Variants in LRRC28 observed in about 807,000 individuals in gnomAD.
LRRC28 encodes leucine rich repeat containing 28, also known as leucine-rich repeat-containing protein 28.
In LRRC28, 39 loss-of-function variants were observed where a neutral mutation model predicts 45.7. The observed-to-expected ratio is 0.85, with a 90% CI of 0.66 to 1.12. The LOEUF (loss-of-function observed/expected upper bound fraction) is 1.12. Ranked by LOEUF, LRRC28 falls within the 50% of genes most tolerant of loss-of-function variation. The pLI is 0.00. For synonymous variants in LRRC28, 206 were observed against 178.8 expected (o/e 1.15, Z -1.22); for missense variants, 435 against 438.5 (o/e 0.99, Z 0.07).
intron 5 of LRRC28, among the ~76,000 whole-genome samples, chr15:99,308,260 A>C (rs1339554290): frequency 1.3e-5 from 2 of 152,216 alleles, no homozygotes; most frequent in Non-Finnish European, 2.9e-5. Flanking sequence ...GAATCGAGAC[A>C]ATGCTAGGTC....
intron 3 of LRRC28, among the ~76,000 whole-genome samples, chr15:99,278,083 A>G (rs2081668056): frequency 6.6e-6 from 1 of 152,108 alleles, no homozygotes. Context: ...TTCTCTATAG[A>G]GTTTTCCAGG....
At chr15:99,345,264 A>G (rs563715730) in intron 6 of LRRC28, among the ~76,000 whole-genome samples, 15 of 152,108 alleles carry the variant, frequency 9.9e-5, no homozygotes, top group Admixed American at 7.2e-4. Context: ...GCATATACCC[A>G]GGTAAAGAGT....
At chr15:99,259,941 A>G (rs1329298213) in intron 2 of LRRC28, 4 of 676,308 alleles carry the variant, frequency 5.9e-6, no homozygotes, top group Non-Finnish European at 8.2e-6. Context: ...CAAGACAAAG[A>G]CAAAGAAATG....
intron 5 of LRRC28, chr15:99,333,722 A>G: frequency 1.6e-6 from 1 of 610,834 alleles, no homozygotes; most frequent in Non-Finnish European, 2.9e-6. Flanking sequence ...CATTTAAGAA[A>G]TGTTGGCAGG....
intron 9 of LRRC28, among the ~76,000 whole-genome samples, chr15:99,369,939 T>C (rs186470698): frequency 1.4e-3 from 207 of 152,326 alleles, no homozygotes; most frequent in Non-Finnish European, 2.2e-3. Flanking sequence ...TAATAAGCCA[T>C]GGCGTGCAAT....
At chr15:99,263,176 G>C (rs747443567) in intron 2 of LRRC28, among the ~76,000 whole-genome samples, 29 of 150,212 alleles carry the variant, frequency 1.9e-4, no homozygotes, top group Non-Finnish European at 2.5e-4. Context: ...AAAATAGCTG[G>C]TTGTGGTGGC....
chr15:99,328,121 C>T (rs1368980086), intron 5 of LRRC28, among the ~76,000 whole-genome samples: 1 of 152,168 alleles, frequency 6.6e-6, no homozygotes, highest in Non-Finnish European at 1.5e-5. Flanking sequence ...AATAGTCTAG[C>T]ATGTGGTCTG....
At chr15:99,371,363 T>C (rs1019579038) in intron 9 of LRRC28, among the ~76,000 whole-genome samples, 3 of 152,196 alleles carry the variant, frequency 2.0e-5, no homozygotes, top group African/African-American at 7.2e-5. Context: ...GGAGTGATTC[T>C]ATGAGAGTGC....
chr15:99,386,941 A>ATTTC lies in LRRC28; in HGVS notation c.*839_*840insTTTC, dbSNP rs1958012912. The ATTTC allele has an allele frequency of 6.6e-6, 1 of 152,168 alleles. No homozygotes were observed. The highest frequency in any genetic ancestry group is 1.5e-5 in the Non-Finnish European group (1 of 68,034). The allele number at this position is 152,168 out of a possible 1,614,324, so 9.4% of individuals were successfully genotyped here. A position where few individuals can be genotyped will look rare whatever the true frequency, so the allele number is the denominator to read the frequency against. ...AGTTTCCATACAATGAGAAAGGGGG[A>ATTTC]GAAAACACACATTGAAATAAGACCT... On this transcript the variant is annotated 3_prime_UTR_variant, in exon 10 of 10. Transcript: ENST00000301981.
intron 2 of LRRC28, among the ~76,000 whole-genome samples, chr15:99,267,192 G>A (rs1014194139): frequency 1.3e-5 from 2 of 152,152 alleles, no homozygotes; most frequent in Non-Finnish European, 2.9e-5. Context: ...TATTGACATA[G>A]ATGACTCTCT....
chr15:99,335,478 A>G (rs991418242), intron 6 of LRRC28, among the ~76,000 whole-genome samples: 1 of 152,234 alleles, frequency 6.6e-6, no homozygotes, highest in Non-Finnish European at 1.5e-5. Context: ...CTTGTAGATT[A>G]CCATATCTGA....
At chr15:99,265,715 T>C (rs2081314944) in intron 2 of LRRC28, among the ~76,000 whole-genome samples, 1 of 152,138 alleles carries the variant, frequency 6.6e-6, no homozygotes, top group Admixed American at 6.5e-5. Context: ...TGTTTCATGG[T>C]TTGGTAGCAA....
At chr15:99,377,955 A>G (rs552057014) in intron 9 of LRRC28, among the ~76,000 whole-genome samples, 5 of 152,202 alleles carry the variant, frequency 3.3e-5, no homozygotes, top group Non-Finnish European at 5.9e-5. Flanking sequence ...TCCTTGTATT[A>G]TAGTTTGAAG....
chr15:99,295,131 C>G (rs2082230063), intron 5 of LRRC28, among the ~76,000 whole-genome samples: 1 of 152,086 alleles, frequency 6.6e-6, no homozygotes, highest in South Asian at 2.1e-4. Flanking sequence ...TGTGAGTTAC[C>G]CTGTCATGTC....
At position 99,259,163 on chromosome 15, in the gene LRRC28, C is replaced by T; in HGVS notation, c.168+3038C>T. 4 of 1,286,422 alleles carry T rather than the reference C, an allele frequency of 3.1e-6. No homozygotes were observed. In the South Asian group the frequency reaches 4.7e-5, roughly 15 times the overall value. The allele number at this position is 1,286,422 out of a possible 1,614,324, so 79.7% of individuals were successfully genotyped here. On this transcript the variant is annotated intron_variant, in intron 2 of 9. Transcript: ENST00000301981. ...ACTTCTTAGGTTCCAGTCTTCTCAT[C>T]ATCCAGCTGACATTACTAGCCTACA...
intron 7 of LRRC28, 77 bp downstream of exon 7, chr15:99,352,548 C>A: frequency 8.3e-7 from 1 of 1,199,134 alleles, no homozygotes. Context: ...TGTCTTTGCC[C>A]TTGATGATAT....
At chr15:99,321,396 C>T (rs1955791534) in intron 5 of LRRC28, among the ~76,000 whole-genome samples, 10 of 152,142 alleles carry the variant, frequency 6.6e-5, no homozygotes, top group South Asian at 2.1e-4. Flanking sequence ...AGATCACACA[C>T]ACAAATTTGA....
intron 5 of LRRC28, among the ~76,000 whole-genome samples, chr15:99,311,084 T>A (rs1351783914): frequency 2.0e-5 from 3 of 152,126 alleles, no homozygotes; most frequent in African/African-American, 7.2e-5. Context: ...CACTACCCTT[T>A]TTGGTTTGCT....
At chr15:99,304,400 G>A (rs370927773) in intron 5 of LRRC28, among the ~76,000 whole-genome samples, 7 of 150,158 alleles carry the variant, frequency 4.7e-5, no homozygotes, top group Non-Finnish European at 8.9e-5. Context: ...TCCTTTTTCC[G>A]GCACTCCATT....
Sources: gnomAD v4.1 joint callset for allele counts (sites outside exome capture counted in the v4.1 genomes callset) on GRCh38, gnomAD v4.1.1 for gene constraint, MANE v1.5 for transcripts, NCBI Gene and HGNC (gene_info 2026-07-23, HGNC 2026-07-21) for gene names.